EVA1C: variants seen among roughly 807,000 people sequenced by gnomAD.
EVA1C encodes the protein protein eva-1 homolog C.
EVA1C carries 25 observed loss-of-function variants against 45.4 expected under a neutral mutation model. The ratio of observed to expected loss-of-function variants is 0.55; its 90% CI spans 0.40 to 0.77. The LOEUF is 0.77. Ranked by LOEUF, EVA1C falls within the 30% of genes least tolerant of loss-of-function variation. The pLI, the probability that EVA1C is intolerant of heterozygous loss-of-function variation, is 0.00. For missense variants in EVA1C, 479 were observed against 554.8 expected (o/e 0.86, Z 1.37); for synonymous variants, 190 against 221.2 (o/e 0.86, Z 1.25).
At chr21:32,448,713 C>T (rs2035453540) in intron 1 of EVA1C, among the ~76,000 whole-genome samples, 1 of 151,946 alleles carries the variant, frequency 6.6e-6, no homozygotes, top group Non-Finnish European at 1.5e-5. Flanking sequence ...TTGAGACCAG[C>T]CTGACCAATA....
chr21:32,446,536 C>T (rs1163837976), intron 1 of EVA1C, among the ~76,000 whole-genome samples: 2 of 152,206 alleles, frequency 1.3e-5, no homozygotes, highest in African/African-American at 2.4e-5. Flanking sequence ...CTCTCTTCAA[C>T]CAGCCAAGAA....
chr21:32,501,984 TTTTCTTTCTTTC>T (rs563785580), intron 6 of EVA1C, among the ~76,000 whole-genome samples: 25,150 of 120,136 alleles, frequency 0.21, 2,982 homozygotes, highest in South Asian at 0.24. Flanking sequence ...TCTCTCGCTC[TTTTCTTTCTTTC>T]TTTCTTTCTT....
chr21:32,456,576 A>G (rs774113964), intron 2 of EVA1C, among the ~76,000 whole-genome samples: 2 of 152,232 alleles, frequency 1.3e-5, no homozygotes, highest in Non-Finnish European at 2.9e-5. Context: ...TGGCGGGGCC[A>G]GCATTCTTCA....
intron 3 of EVA1C, among the ~76,000 whole-genome samples, chr21:32,464,079 C>G (rs966777126): frequency 6.6e-6 from 1 of 152,144 alleles, no homozygotes; most frequent in African/African-American, 2.4e-5. Context: ...AATGCCAGTG[C>G]GGATATGACT....
At chr21:32,468,294 G>A (rs1325302928) in intron 4 of EVA1C, among the ~76,000 whole-genome samples, 4 of 151,702 alleles carry the variant, frequency 2.6e-5, no homozygotes, top group African/African-American at 7.3e-5. Flanking sequence ...GCTTGAACCC[G>A]GGAGGTGAAG....
In EVA1C at chr21:32,457,638, C is replaced by G; in HGVS notation, c.399C>G (p.Leu133=). The G allele has an allele frequency of 1.2e-6, 2 of 1,614,176 alleles. No individual in the cohort carries two copies. Among genetic ancestry groups the G allele is most frequent in the Non-Finnish European group, 1.7e-6 (2 of 1,180,010 alleles). ...GCCAGAACCAGCGGGCCTGCCACCT[C>G]CTGGTCAATAGCCGTGTTTTTGGAC... The part of the protein sequence containing the change: ...DECQNQRACH[L]LVNSRVFGPD... The change falls in exon 3 of 8, where the codon CTC becomes CTG. Residue 133 remains leucine (L), a synonymous_variant. Coordinates refer to ENST00000300255, the MANE Select transcript of EVA1C (RefSeq NM_058187.5).
At chr21:32,507,979 G>A (rs1407684310) in intron 7 of EVA1C, among the ~76,000 whole-genome samples, 3 of 151,714 alleles carry the variant, frequency 2.0e-5, no homozygotes, top group Non-Finnish European at 4.4e-5. Flanking sequence ...ATGTGTGCCT[G>A]CATGTGTGTG....
At chr21:32,467,577 C>A in intron 3 of EVA1C, 119 bp from the exon 4 acceptor site, 1 of 963,652 alleles carries the variant, frequency 1.0e-6, no homozygotes. Flanking sequence ...ACAGGGCCAT[C>A]CCCACTGCCC....
At chr21:32,432,761 C>T (rs1412145219) in intron 1 of EVA1C, among the ~76,000 whole-genome samples, 1 of 152,188 alleles carries the variant, frequency 6.6e-6, no homozygotes, top group African/African-American at 2.4e-5. Context: ...TGCTCTGTTG[C>T]CCAGGCTGGA....
At chr21:32,486,125 C>CT (rs1245246734) in intron 4 of EVA1C, among the ~76,000 whole-genome samples, 1 of 152,030 alleles carries the variant, frequency 6.6e-6, no homozygotes, top group Non-Finnish European at 1.5e-5. Flanking sequence ...TACTGTTGTT[C>CT]TTTTTTTTCT....
chr21:32,463,824 T>C (rs934297037), intron 3 of EVA1C, among the ~76,000 whole-genome samples: 2 of 152,184 alleles, frequency 1.3e-5, no homozygotes, highest in Non-Finnish European at 2.9e-5. Flanking sequence ...AAGTTTCCAA[T>C]TTGTGGAGAT....
At chr21:32,500,939 A>G (rs555570947) in intron 5 of EVA1C, among the ~76,000 whole-genome samples, 1 of 151,988 alleles carries the variant, frequency 6.6e-6, no homozygotes, top group East Asian at 1.9e-4. Flanking sequence ...TTAGCCTCCC[A>G]AGTAGCTGGG....
At position 32,495,166 on chromosome 21, in the gene EVA1C, A is replaced by T. The variant is rs762168067; in HGVS notation, c.774A>T (p.Ala258=). The change falls in exon 5 of 8, where the codon GCA becomes GCT. Residue 258 remains alanine (A), a synonymous_variant. Coordinates refer to ENST00000300255, the MANE Select transcript of EVA1C (RefSeq NM_058187.5). ...AAAAATACCTCACTGTGACCTACGC[A>T]TGTGGTAAGAACACACCCCCGACCA... The part of the protein sequence containing the change: ...GVKKYLTVTY[A]CVPKNILTAI... 6 of 1,614,002 alleles carry T rather than the reference A, an allele frequency of 3.7e-6. No individual in the cohort carries two copies. The highest frequency in any genetic ancestry group is 1.1e-5 in the South Asian group (1 of 91,072).
chr21:32,512,167 G>A (rs1388883262), intron 7 of EVA1C, among the ~76,000 whole-genome samples: 1 of 152,136 alleles, frequency 6.6e-6, no homozygotes, highest in Non-Finnish European at 1.5e-5. Context: ...AGGGGATGGG[G>A]AAGCACAGGT....
intron 4 of EVA1C, among the ~76,000 whole-genome samples, chr21:32,475,927 CTATA>C (rs1241754246): frequency 4.7e-4 from 70 of 150,296 alleles, no homozygotes; most frequent in African/African-American, 1.3e-3. Flanking sequence ...ATCTATCTAT[CTATA>C]TAAACAGGAA....
chr21:32,449,173 G>A (rs1237238101), intron 1 of EVA1C, among the ~76,000 whole-genome samples: 1 of 152,120 alleles, frequency 6.6e-6, no homozygotes, highest in Non-Finnish European at 1.5e-5. Flanking sequence ...TATCAAACCT[G>A]AGTGCGATAT....
At chr21:32,466,374 G>C (rs920579627) in intron 3 of EVA1C, among the ~76,000 whole-genome samples, 1 of 149,536 alleles carries the variant, frequency 6.7e-6, no homozygotes, top group African/African-American at 2.5e-5. Flanking sequence ...AGCAGAGATC[G>C]TGCCACTGCA....
At position 32,495,048 on chromosome 21, in the gene EVA1C, T is replaced by C; in HGVS notation, c.656T>C (p.Leu219Ser). 6.2e-7 allele frequency: 1 copy of C among 1,614,154 alleles called. No homozygotes were observed. Among genetic ancestry groups the C allele is most frequent in the Non-Finnish European group, 8.5e-7 (1 of 1,180,018 alleles). Residue 219 changes from leucine to serine, a missense_variant, in exon 5 of 8, where the codon TTG (leucine) becomes TCG (serine). This residue lies in a region of EVA1C where 366 missense variants were observed against 426.1 expected (regional missense o/e 0.86). Transcript: ENST00000300255. Reference sequence around the variant, plus strand: ...TCAGATTGCTTGTCTTACTCAGCTTTGCAAGTCCTATCCCGAAGGTGCTAT... The same window carrying C: ...TCAGATTGCTTGTCTTACTCAGCTTCGCAAGTCCTATCCCGAAGGTGCTAT... ...PPFDCLSYSALQVLSRRCYGK... is the reference protein window; with the variant it reads ...PPFDCLSYSASQVLSRRCYGK...
At chr21:32,502,032 CTTTCTTTCT>C (rs2037564994) in intron 6 of EVA1C, among the ~76,000 whole-genome samples, 2 of 103,440 alleles carry the variant, frequency 1.9e-5, no homozygotes, top group Admixed American at 9.9e-5. Context: ...TTCTTTCTTT[CTTTCTTTCT>C]TTCTTTCTTT....
Sources: allele counts gnomAD v4.1 joint callset (sites outside exome capture counted in the v4.1 genomes callset), GRCh38; gene constraint gnomAD v4.1.1; regional missense constraint gnomAD v4.1.1; transcripts MANE v1.5; gene names NCBI Gene and HGNC (gene_info 2026-07-23, HGNC 2026-07-21).